Variants in OSBPL8 observed in about 807,000 individuals in gnomAD.
OSBPL8 encodes the protein oxysterol-binding protein-related protein 8.
In OSBPL8, 59 loss-of-function variants were observed where a neutral mutation model predicts 125.5. The observed-to-expected ratio is 0.47, with a 90% CI of 0.38 to 0.58. The LOEUF (loss-of-function observed/expected upper bound fraction) is 0.58, where lower values mean the gene tolerates loss of function less well. Among genes scored for constraint, OSBPL8 ranks in the 20% least tolerant of loss-of-function variants. OSBPL8 has a pLI of 0.00. For missense variants in OSBPL8, 758 were observed against 1,047.8 expected (o/e 0.72, Z 3.82); for synonymous variants, 330 against 338.9 (o/e 0.97, Z 0.29).
chr12:76,379,487 T>C (rs1242011498), intron 15 of OSBPL8, among the ~76,000 whole-genome samples: 3 of 152,250 alleles, frequency 2.0e-5, no homozygotes, highest in African/African-American at 7.2e-5. Context: ...GATATAGAAC[T>C]TCCCATTATC....
At position 76,458,607 on chromosome 12, in the gene OSBPL8, C is replaced by T. The variant is rs533994523; in HGVS notation, c.79+1252G>A. On this transcript the variant is annotated intron_variant, in intron 3 of 23. Coordinates refer to ENST00000261183, the MANE Select transcript of OSBPL8 (RefSeq NM_020841.5). ...TCAGGTGGCAGGAAGATCCCTTGAG[C>T]CCAGAAGTTCAAGGTTGCATGAGTT... Among the ~76,000 whole-genome samples the T allele has an allele frequency of 5.3e-5, 8 of 151,408 alleles. No individual in the cohort carries two copies. The East Asian group carries it at 1.6e-3, about 30-fold the overall frequency.
At position 76,353,882 on chromosome 12, in the gene OSBPL8, A is replaced by G. The variant is rs1481018650; in HGVS notation, c.*2007T>C. 1 of 152,432 alleles carries G rather than the reference A, an allele frequency of 6.6e-6. No homozygotes were observed. Among genetic ancestry groups the G allele is most frequent in the East Asian group, 1.9e-4 (1 of 5,200 alleles). 9.4% of individuals were successfully genotyped at this position (152,432 alleles called of 1,614,324 possible). Reference sequence around the variant, plus strand: ...TTAAAAATAAAGAACACAACTACCTATTTAGTCTTAGAAGATACCCATACA... The same window carrying G: ...TTAAAAATAAAGAACACAACTACCTGTTTAGTCTTAGAAGATACCCATACA... On this transcript the variant is annotated 3_prime_UTR_variant, in exon 24 of 24. Coordinates refer to ENST00000261183, the MANE Select transcript of OSBPL8 (RefSeq NM_020841.5).
chr12:76,501,348 A>G (rs539636696), intron 1 of OSBPL8, among the ~76,000 whole-genome samples: 19 of 150,948 alleles, frequency 1.3e-4, no homozygotes, highest in Admixed American at 4.0e-4. Flanking sequence ...AATGGTTTTT[A>G]TGTTTTTAAA....
intron 1 of OSBPL8, among the ~76,000 whole-genome samples, chr12:76,492,511 GGTGA>G (rs1878825860): frequency 6.6e-6 from 1 of 152,078 alleles, no homozygotes; most frequent in African/African-American, 2.4e-5. Flanking sequence ...GTGAAAGGTG[GGTGA>G]GTGAGTGAAG....
chr12:76,513,434 T>C (rs1881206465), intron 1 of OSBPL8, among the ~76,000 whole-genome samples: 1 of 152,252 alleles, frequency 6.6e-6, no homozygotes. Context: ...CATAGAGGCC[T>C]GTCAGATCCA....
chr12:76,450,910 G>A lies in OSBPL8; in HGVS notation c.158C>T (p.Pro53Leu). The A allele has an allele frequency of 1.9e-6, 3 of 1,614,018 alleles. No homozygotes were observed. Among genetic ancestry groups the A allele is most frequent in the Non-Finnish European group, 2.5e-6 (3 of 1,179,950 alleles). The change falls in exon 4 of 24, where the codon CCA becomes CTA. Residue 53 changes from proline (P) to leucine (L), a missense_variant. Transcript: ENST00000261183. ...MSQRQGKEAY[P>L]TPTKDLHQPS... is the part of the protein sequence containing the mutation. Reference sequence around the variant, plus strand: ...CTGATGCAAATCTTTGGTTGGCGTTGGATAAGCTTCTTTTCCTTGGCGCTG... The same window carrying A: ...CTGATGCAAATCTTTGGTTGGCGTTAGATAAGCTTCTTTTCCTTGGCGCTG...
intron 4 of OSBPL8, among the ~76,000 whole-genome samples, chr12:76,448,886 G>A (rs1407084179): frequency 6.6e-5 from 10 of 152,096 alleles, no homozygotes; most frequent in East Asian, 1.9e-4. Flanking sequence ...GGTGGCATGC[G>A]CCTGTAATTC....
At chr12:76,435,942 T>A (rs534560503) in intron 4 of OSBPL8, among the ~76,000 whole-genome samples, 27 of 152,290 alleles carry the variant, frequency 1.8e-4, no homozygotes, top group Non-Finnish European at 2.9e-4. Flanking sequence ...TTCCAGGCAC[T>A]ATTTCTTCTC....
At chr12:76,412,376 T>C (rs1470722067) in intron 4 of OSBPL8, among the ~76,000 whole-genome samples, 2 of 152,160 alleles carry the variant, frequency 1.3e-5, no homozygotes, top group African/African-American at 2.4e-5. Context: ...CACGTGTCTA[T>C]ACGTAACTAA....
chr12:76,388,401 ATCTT>A lies in OSBPL8; in HGVS notation c.1352+1240_1352+1243del, dbSNP rs1427061774. The stretch of plus-strand genomic sequence containing the variant: ...ATGATAGTCCCTGATTGCCAACAGA[ATCTT>A]GGCAACAGTGTGTAATGCCAGAAAA... On this transcript the variant is annotated intron_variant, in intron 12 of 23. Coordinates refer to ENST00000261183, the MANE Select transcript of OSBPL8 (RefSeq NM_020841.5). 3.9e-5 allele frequency among the ~76,000 whole-genome samples: 6 copies of A among 152,322 alleles called. No homozygotes were observed. The East Asian group carries it at 1.2e-3, about 29-fold the overall frequency.
At chr12:76,485,674 T>C (rs529987995) in intron 2 of OSBPL8, among the ~76,000 whole-genome samples, 2 of 152,234 alleles carry the variant, frequency 1.3e-5, no homozygotes, top group Non-Finnish European at 2.9e-5. Flanking sequence ...AGGTATGTAG[T>C]CAACATCTTA....
intron 21 of OSBPL8, 70 bp from the exon 22 acceptor site, chr12:76,358,881 G>T (rs1442849106): frequency 1.7e-6 from 2 of 1,169,496 alleles, no homozygotes; most frequent in African/African-American, 1.5e-5. Flanking sequence ...GTGTACAATT[G>T]TCAAAATTAT....
intron 4 of OSBPL8, among the ~76,000 whole-genome samples, chr12:76,442,774 G>A (rs1306225432): frequency 6.6e-6 from 1 of 152,156 alleles, no homozygotes; most frequent in African/African-American, 2.4e-5. Flanking sequence ...TTCAATTCAT[G>A]GAGGAAAATG....
intron 1 of OSBPL8, among the ~76,000 whole-genome samples, chr12:76,555,694 A>G (rs1951074228): frequency 6.6e-6 from 1 of 152,174 alleles, no homozygotes. Context: ...AACTAAGACC[A>G]AGTGATTGGC....
At chr12:76,426,945 T>A (rs1870220961) in intron 4 of OSBPL8, among the ~76,000 whole-genome samples, 2 of 152,120 alleles carry the variant, frequency 1.3e-5, no homozygotes, top group African/African-American at 4.8e-5. Flanking sequence ...CTTTGAGTAA[T>A]CCTAACTCAA....
chr12:76,443,510 T>C (rs914442154), intron 4 of OSBPL8, among the ~76,000 whole-genome samples: 3 of 152,078 alleles, frequency 2.0e-5, no homozygotes, highest in African/African-American at 7.2e-5. Context: ...CATTTCTGTC[T>C]TCTTTTTCAT....
chr12:76,500,908 C>T (rs568509451), intron 1 of OSBPL8, among the ~76,000 whole-genome samples: 34 of 152,268 alleles, frequency 2.2e-4, no homozygotes, highest in Middle Eastern at 3.4e-3. Context: ...ATTCTGCTAA[C>T]GTTTGAATTT....
chr12:76,390,510 T>C lies in OSBPL8; in HGVS notation c.1077A>G (p.Glu359=). ...GTTCGATATATGAGTCATCTTGTCT[T>C]TCTGATGTATCTGTGTCACTTTCTT... ...KSEESDTDTS[E]RQDDSYIEPE... Residue 359 remains glutamate (E), a synonymous_variant, in exon 11 of 24, where the codon GAA becomes GAG. Transcript: ENST00000261183. 8.1e-6 allele frequency: 13 copies of C among 1,613,994 alleles called. No homozygotes were observed. Among genetic ancestry groups the C allele is most frequent in the Non-Finnish European group, 1.1e-5 (13 of 1,179,926 alleles).
chr12:76,356,162 T>TGGGGGGGGGATGGGGGGGG, intron 23 of OSBPL8, 141 bp from the exon 24 acceptor site: 1 of 131,834 alleles, frequency 7.6e-6, no homozygotes, highest in Non-Finnish European at 1.6e-5. Flanking sequence ...TATGTAGGGG[T>TGGGGGGGGGATGGGGGGGG]GGGGGGGGGC....
Sources: allele counts gnomAD v4.1 joint callset (sites outside exome capture counted in the v4.1 genomes callset), GRCh38; gene constraint gnomAD v4.1.1; transcripts MANE v1.5; gene names NCBI Gene and HGNC (gene_info 2026-07-23, HGNC 2026-07-21).